Variants in SASH1 observed in about 807,000 individuals in gnomAD.
SASH1 encodes SAM and SH3 domain-containing protein 1.
In SASH1, 44 loss-of-function variants were observed where a neutral mutation model predicts 125.2. The observed-to-expected ratio is 0.35, with a 90% CI of 0.28 to 0.45. The LOEUF is 0.45. SASH1 is among the 20% of genes least tolerant of loss of function. The pLI is 1.00. For synonymous variants in SASH1, 639 were observed against 649.1 expected (o/e 0.98, Z 0.24); for missense variants, 1,426 against 1,614.5 (o/e 0.88, Z 2.00).
intron 1 of SASH1, among the ~76,000 whole-genome samples, chr6:148,302,967 A>T (rs1562314656): frequency 1.3e-5 from 2 of 151,608 alleles, no homozygotes; most frequent in African/African-American, 4.9e-5. Flanking sequence ...CTTTAAAATT[A>T]GTTTGTTTAT....
rs1781656376 is a variant in SASH1 at position 148,533,625 on chromosome 6, G to A, written c.1735-146G>A. The stretch of plus-strand genomic sequence containing the variant: ...GGAGCTCACAGTCACATCCTATGCA[G>A]GTCACTCAGAGGGGTGACTTGTGGG... On this transcript the variant is annotated intron_variant, in intron 14 of 19. Transcript: ENST00000367467. This position sits in a 1 kb window ranked among gnomAD's most constrained non-coding sequence, Gnocchi z 6.2. 1.4e-6 allele frequency: 1 copy of A among 729,626 alleles called. No homozygotes were observed. The highest frequency in any genetic ancestry group is 2.4e-6 in the Non-Finnish European group (1 of 425,404). 45.2% of individuals were successfully genotyped at this position (729,626 alleles called of 1,614,324 possible).
chr6:148,381,617 CTTTTTTTT>C (rs201145545), intron 1 of SASH1, among the ~76,000 whole-genome samples: 2,385 of 77,916 alleles, frequency 0.031, 115 homozygotes, highest in African/African-American at 0.12. Context: ...TTCTTGCTTT[CTTTTTTTT>C]TTTTTTTTTT....
chr6:148,512,430 T>A, intron 8 of SASH1: 1 of 979,604 alleles, frequency 1.0e-6, no homozygotes, highest in South Asian at 4.7e-5. Flanking sequence ...GAGCAGAATG[T>A]TTTTAAATGT....
chr6:148,363,553 A>G (rs909384472), intron 1 of SASH1, among the ~76,000 whole-genome samples: 1 of 151,990 alleles, frequency 6.6e-6, no homozygotes, highest in Non-Finnish European at 1.5e-5. Flanking sequence ...GGCGCCCGCC[A>G]CCACACCCGG....
chr6:148,401,328 C>T (rs986695352), intron 2 of SASH1, among the ~76,000 whole-genome samples: 11 of 152,046 alleles, frequency 7.2e-5, no homozygotes, highest in Non-Finnish European at 1.3e-4. Flanking sequence ...AGGAAGGACA[C>T]ACACTAGCTC....
intron 2 of SASH1, among the ~76,000 whole-genome samples, chr6:148,419,572 C>T (rs1251760778): frequency 2.0e-5 from 3 of 152,132 alleles, no homozygotes; most frequent in Non-Finnish European, 4.4e-5. Context: ...TTGGGGATGC[C>T]GTCCGCCCTC....
chr6:148,434,100 G>A lies in SASH1; in HGVS notation c.286-6084G>A, dbSNP rs1370234972. ...TTTTTTTTTTTTTTTTTTTTGAGACGGAGGCTTGCACTGTCCCCCAGGCTG... is the reference window on the plus strand; with the variant it reads ...TTTTTTTTTTTTTTTTTTTTGAGACAGAGGCTTGCACTGTCCCCCAGGCTG... On this transcript the variant is annotated intron_variant, in intron 2 of 19. Transcript: ENST00000367467. Among the ~76,000 whole-genome samples the A allele has an allele frequency of 1.3e-4, 14 of 104,468 alleles. No individual in the cohort carries two copies. The South Asian group carries it at 2.8e-3, about 21-fold the overall frequency. 68.5% of individuals were successfully genotyped at this position (104,468 alleles called of 152,430 possible).
intron 1 of SASH1, among the ~76,000 whole-genome samples, chr6:148,288,846 T>C (rs1779552589): frequency 6.6e-6 from 1 of 152,188 alleles, no homozygotes; most frequent in Admixed American, 6.5e-5. Flanking sequence ...GTTGCTCAAA[T>C]TATTGACATC....
the SASH1 span, among the ~76,000 whole-genome samples, chr6:148,242,119 G>A: frequency 6.6e-6 from 1 of 152,164 alleles, no homozygotes; most frequent in African/African-American, 2.4e-5. Flanking sequence ...GGACTATTCA[G>A]GATTAACTGT....
In SASH1 at chr6:148,293,749, A is replaced by G. The variant is rs376538036; in HGVS notation, n.74+21372A>G. ...GGAATCCTAGGAGAAGCCATTAGCT[A>G]GAGCTTTCCCCAAGGGACAACAGTG... On this transcript the variant is annotated intron_variant and non_coding_transcript_variant, in intron 1 of 3. Coordinates refer to the SASH1 transcript ENST00000367469. 6.6e-5 allele frequency among the ~76,000 whole-genome samples: 10 copies of G among 152,224 alleles called. No homozygotes were observed. In the East Asian group the frequency reaches 1.5e-3, roughly 23 times the overall value.
intron 16 of SASH1, among the ~76,000 whole-genome samples, chr6:148,535,763 G>C (rs1473453248): frequency 6.6e-6 from 1 of 152,124 alleles, no homozygotes; most frequent in Non-Finnish European, 1.5e-5. Context: ...CATCTTAAAG[G>C]AGTATCCTTT....
In SASH1 at chr6:148,442,752, TTTTTC is replaced by T. The variant is rs573413883; in HGVS notation, c.386+2360_386+2364del. Among the ~76,000 whole-genome samples, 245 of 152,230 alleles carry T rather than the reference TTTTTC, an allele frequency of 1.6e-3. 3 individuals are homozygous for T. Among genetic ancestry groups the T allele is most frequent in the Middle Eastern group, 0.014 (4 of 294 alleles). On this transcript the variant is annotated intron_variant, in intron 4 of 19. Transcript: ENST00000367467. Reference sequence around the variant, plus strand: ...TACATAGTTTCTATTCAAGTTTTTCTTTTTCTTTTCTTTTCTTTTTTATTTATTTA... The same window carrying T: ...TACATAGTTTCTATTCAAGTTTTTCTTTTTCTTTTCTTTTTTATTTATTTA...
At chr6:148,502,723 G>A (rs191241989) in intron 8 of SASH1, among the ~76,000 whole-genome samples, 1 of 141,608 alleles carries the variant, frequency 7.1e-6, no homozygotes, top group East Asian at 2.5e-4. Context: ...TCTTTGTCTA[G>A]ATAGGAGGGC....
In SASH1 at chr6:148,540,386, C is replaced by G. The variant is rs947656553; in HGVS notation, c.2096-57C>G. The stretch of plus-strand genomic sequence containing the variant: ...AGGATAAAGTCGAGATCTGTTGACT[C>G]TGAAACCTCTGCTTTTCACTCACCT... On this transcript the variant is annotated intron_variant, in intron 16 of 19. Coordinates refer to ENST00000367467, the MANE Select transcript of SASH1 (RefSeq NM_015278.5). 45 of 1,397,196 alleles carry G rather than the reference C, an allele frequency of 3.2e-5. No individual in the cohort carries two copies. In the Admixed American group the frequency reaches 4.9e-4, roughly 15 times the overall value. 86.5% of individuals were successfully genotyped at this position (1,397,196 alleles called of 1,614,324 possible). A position where few individuals can be genotyped will look rare whatever the true frequency, so the allele number is the denominator to read the frequency against.
chr6:148,387,584 CTTTCTTTCT>C (rs1783455262), intron 1 of SASH1, among the ~76,000 whole-genome samples: 2 of 6,610 alleles, frequency 3.0e-4, no homozygotes, highest in Non-Finnish European at 5.4e-4. Context: ...TTCTTTCTTT[CTTTCTTTCT>C]TTCTTTCTTT....
At chr6:148,349,264 T>TC (rs1562340656) in intron 1 of SASH1, among the ~76,000 whole-genome samples, 1 of 127,514 alleles carries the variant, frequency 7.8e-6, no homozygotes, top group African/African-American at 3.0e-5. Context: ...TTTTTTTTTT[T>TC]TTTTTTTTTT....
At chr6:148,403,342 C>G (rs747600754) in intron 2 of SASH1, among the ~76,000 whole-genome samples, 1 of 151,440 alleles carries the variant, frequency 6.6e-6, no homozygotes, top group African/African-American at 2.4e-5. Flanking sequence ...TGGCCTCAAG[C>G]GATCCTCCCA....
chr6:148,539,333 GT>G (rs553453811), intron 16 of SASH1, among the ~76,000 whole-genome samples: 111 of 151,962 alleles, frequency 7.3e-4, no homozygotes, highest in African/African-American at 2.6e-3. Context: ...CTAATGTGTA[GT>G]TTTTTTATCC....
Position 148,322,524 on chromosome 6 carries a change from G to A in SASH1, n.74+50147G>A, listed in dbSNP as rs762069754. On this transcript the variant is annotated intron_variant and non_coding_transcript_variant, in intron 1 of 3. Transcript: ENST00000367469. ...TTTTCTCCCAGTCATCCTTCAGTCC[G>A]TTGCAATCCAGTTTCTACTCCTTCC... Among the ~76,000 whole-genome samples the A allele has an allele frequency of 3.9e-5, 6 of 152,018 alleles. No homozygotes were observed. In the East Asian group the frequency reaches 7.7e-4, roughly 20 times the overall value.
Sources: allele counts gnomAD v4.1 joint callset (sites outside exome capture counted in the v4.1 genomes callset), GRCh38; gene constraint gnomAD v4.1.1; non-coding constraint Gnocchi (gnomAD v3.1); transcripts MANE v1.5; gene names NCBI Gene and HGNC (gene_info 2026-07-23, HGNC 2026-07-21).